Variants in CHRM3 observed in about 807,000 individuals in gnomAD.
CHRM3 encodes muscarinic acetylcholine receptor M3.
In CHRM3, 11 loss-of-function variants were observed where a neutral mutation model predicts 41.8. The ratio of observed to expected loss-of-function variants is 0.26; its 90% CI spans 0.17 to 0.44. The LOEUF (loss-of-function observed/expected upper bound fraction) is 0.44. Among genes scored for constraint, CHRM3 ranks in the 20% least tolerant of loss-of-function variants. The probability of loss-of-function intolerance (pLI) is 1.00; values close to 1 mark genes in which losing one functional copy is unlikely to be tolerated. For synonymous variants in CHRM3, 297 were observed against 301.4 expected, an observed-to-expected ratio of 0.99 and a Z score of 0.15; for missense variants, 571 against 745.4, an observed-to-expected ratio of 0.77 and a Z score of 2.72.
In CHRM3 at chr1:239,913,867, G is replaced by A. The variant is rs116038097; in HGVS notation, c.*4643G>A. The A allele has an allele frequency of 6.0e-6, 1 of 167,196 alleles. No individual in the cohort carries two copies. The highest frequency in any genetic ancestry group is 1.5e-5 in the Non-Finnish European group (1 of 68,118). 10.4% of individuals were successfully genotyped at this position (167,196 alleles called of 1,614,324 possible). ...GGATAGTGTATTTGGATATATGGAA[G>A]TCATCCAAATGCGTTGCTAGAATAT... On this transcript the variant is annotated 3_prime_UTR_variant, in exon 7 of 7. Transcript: ENST00000676153.
intron 4 of CHRM3, among the ~76,000 whole-genome samples, chr1:239,653,744 G>A (rs1672452073): frequency 6.6e-6 from 1 of 152,172 alleles, no homozygotes; most frequent in African/African-American, 2.4e-5. Context: ...GAGGATCAGA[G>A]AAAGGAGTGA....
At chr1:239,842,829 C>T (rs1447006396) in intron 6 of CHRM3, among the ~76,000 whole-genome samples, 1 of 152,094 alleles carries the variant, frequency 6.6e-6, no homozygotes, top group Non-Finnish European at 1.5e-5. Context: ...ATCTCAAGAA[C>T]CTAGGCTTCC....
chr1:239,594,627 C>T (rs1156528344), intron 3 of CHRM3, among the ~76,000 whole-genome samples: 2 of 152,314 alleles, frequency 1.3e-5, no homozygotes, highest in East Asian at 3.9e-4. Flanking sequence ...TTTTGGGCCA[C>T]TTCACAGTTT....
chr1:239,703,852 T>C (rs1660902790), intron 5 of CHRM3: 1 of 151,120 alleles, frequency 6.6e-6, no homozygotes, highest in Admixed American at 6.6e-5. Flanking sequence ...AGGTAACCAG[T>C]AACTTCAACC....
chr1:239,828,125 G>A (rs965997288), intron 6 of CHRM3, among the ~76,000 whole-genome samples: 2 of 152,074 alleles, frequency 1.3e-5, no homozygotes, highest in East Asian at 1.9e-4. Flanking sequence ...TTAGGAAAAA[G>A]AAATACACGC....
intron 3 of CHRM3, among the ~76,000 whole-genome samples, chr1:239,610,070 G>A (rs557895521): frequency 7.6e-4 from 114 of 150,862 alleles, no homozygotes; most frequent in Non-Finnish European, 1.2e-3. Flanking sequence ...GCGGGTGCCT[G>A]TAGTCCCAGC....
intron 5 of CHRM3, among the ~76,000 whole-genome samples, chr1:239,717,236 C>A (rs1472746020): frequency 6.6e-6 from 1 of 152,008 alleles, no homozygotes; most frequent in Admixed American, 6.6e-5. Context: ...GAGGAAGTAG[C>A]CTTGAATAGT....
At chr1:239,864,066 G>A (rs12060918) in intron 6 of CHRM3, among the ~76,000 whole-genome samples, 6,135 of 148,912 alleles carry the variant, frequency 0.041, 426 homozygotes, top group African/African-American at 0.14. Context: ...AATTCAGTCC[G>A]TTCTTGATTT....
intron 1 of CHRM3, among the ~76,000 whole-genome samples, chr1:239,438,889 A>G (rs1182735258): frequency 6.6e-6 from 1 of 152,228 alleles, no homozygotes; most frequent in African/African-American, 2.4e-5. Flanking sequence ...CAGTCATTAA[A>G]AAATAGAAAA....
At chr1:239,881,952 C>T (rs1032669650) in intron 6 of CHRM3, among the ~76,000 whole-genome samples, 2 of 152,210 alleles carry the variant, frequency 1.3e-5, no homozygotes, top group Non-Finnish European at 2.9e-5. Context: ...GTCGCCCAGG[C>T]TGGAGTGCAG....
At chr1:239,571,693 G>T (rs372501875) in intron 3 of CHRM3, among the ~76,000 whole-genome samples, 2 of 152,180 alleles carry the variant, frequency 1.3e-5, no homozygotes, top group South Asian at 4.2e-4. Context: ...TCTCCTGCAC[G>T]TCATTACACT....
Position 239,602,090 on chromosome 1 carries a change from A to G in CHRM3, c.-312-30134A>G, listed in dbSNP as rs867778521. On this transcript the variant is annotated intron_variant, in intron 3 of 6. Transcript: ENST00000676153. The stretch of plus-strand genomic sequence containing the variant: ...CACATATGTACACATACATATATAC[A>G]TGTGTGTGTGTGTGTGTGTGTATAT... Among the ~76,000 whole-genome samples the G allele has an allele frequency of 6.3e-3, 829 of 131,232 alleles. 10 individuals carry two copies. The highest frequency in any genetic ancestry group is 0.02 in the African/African-American group (614 of 30,912). 86.1% of individuals were successfully genotyped at this position (131,232 alleles called of 152,430 possible). A position where few individuals can be genotyped will look rare whatever the true frequency, so the allele number is the denominator to read the frequency against.
chr1:239,724,772 T>G (rs776482708), intron 5 of CHRM3, among the ~76,000 whole-genome samples: 6 of 151,866 alleles, frequency 4.0e-5, no homozygotes, highest in Non-Finnish European at 8.8e-5. Context: ...TTTACCAAAT[T>G]ATTGAAGCTA....
At chr1:239,900,877 T>G (rs775354977) in intron 6 of CHRM3, among the ~76,000 whole-genome samples, 8 of 152,180 alleles carry the variant, frequency 5.3e-5, no homozygotes, top group Non-Finnish European at 1.0e-4. Flanking sequence ...AGATCAGTCA[T>G]TTCATTTTTG....
At position 239,913,707 on chromosome 1, in the gene CHRM3, AAAG is replaced by A. The variant is rs1307042303; in HGVS notation, c.*4488_*4490del. On this transcript the variant is annotated 3_prime_UTR_variant, in exon 7 of 7. Transcript: ENST00000676153. ...TCATGATAAGAAAATAAAAATGAGA[AAAG>A]AAGATCTAGTTCATAAAATGACTAT... is the stretch of plus-strand genomic sequence containing the variant. The A allele has an allele frequency of 2.4e-5, 4 of 167,014 alleles. No homozygotes were observed. Among genetic ancestry groups the A allele is most frequent in the East Asian group, 3.8e-4 (2 of 5,198 alleles). The allele number at this position is 167,014 out of a possible 1,614,324, so 10.3% of individuals were successfully genotyped here.
intron 2 of CHRM3, among the ~76,000 whole-genome samples, chr1:239,528,963 A>C (rs2148313796): frequency 6.6e-6 from 1 of 152,202 alleles, no homozygotes; most frequent in South Asian, 2.1e-4. Flanking sequence ...TTCCAGAATA[A>C]CCCCCGAAAA....
intron 6 of CHRM3, among the ~76,000 whole-genome samples, chr1:239,880,385 A>G (rs544502959): frequency 5.0e-4 from 76 of 152,324 alleles, no homozygotes; most frequent in African/African-American, 1.8e-3. Context: ...TGAAAATACA[A>G]CTTAAGCGGC....
chr1:239,768,651 G>T (rs566667227), intron 5 of CHRM3, among the ~76,000 whole-genome samples: 6 of 152,282 alleles, frequency 3.9e-5, no homozygotes, highest in Admixed American at 6.5e-5. Flanking sequence ...AGACGCTGTG[G>T]TGATTGCTCA....
At chr1:239,905,059 T>A (rs1403809722) in intron 6 of CHRM3, among the ~76,000 whole-genome samples, 1 of 152,118 alleles carries the variant, frequency 6.6e-6, no homozygotes, top group African/African-American at 2.4e-5. Flanking sequence ...ACCATGAAAA[T>A]TGATTATTTT....
Sources: gnomAD v4.1 joint callset for allele counts (sites outside exome capture counted in the v4.1 genomes callset) on GRCh38, gnomAD v4.1.1 for gene constraint, MANE v1.5 for transcripts, NCBI Gene and HGNC (gene_info 2026-07-23, HGNC 2026-07-21) for gene names.